ENTPD6: variants seen among roughly 807,000 people sequenced by gnomAD.
The protein encoded by ENTPD6 is CD39 antigen-like 2.
A neutral mutation model predicts 61.5 loss-of-function variants in ENTPD6; 46 were observed. That is an observed-to-expected ratio of 0.75 (90% CI 0.59 to 0.96). ENTPD6 has a LOEUF of 0.96. Ranked by LOEUF, ENTPD6 falls within the 40% of genes least tolerant of loss-of-function variation. The probability of loss-of-function intolerance (pLI) is 0.00; values close to 1 mark genes in which losing one functional copy is unlikely to be tolerated. For synonymous variants in ENTPD6, 252 were observed against 255.5 expected, an observed-to-expected ratio of 0.99 and a Z score of 0.13; for missense variants, 612 against 629.0, an observed-to-expected ratio of 0.97 and a Z score of 0.29.
intron 10 of ENTPD6, among the ~76,000 whole-genome samples, chr20:25,219,086 T>C (rs1445008979): frequency 1.3e-5 from 2 of 152,256 alleles, no homozygotes; most frequent in African/African-American, 2.4e-5. Context: ...TTCACCATGT[T>C]GGCCAGTATG....
chr20:25,221,540 TC>T, intron 11 of ENTPD6: 2 of 630,072 alleles, frequency 3.2e-6, no homozygotes, highest in Non-Finnish European at 5.8e-6. Flanking sequence ...CTGCCTCTGT[TC>T]AACATTCCCC....
Position 25,225,659 on chromosome 20 carries a change from T to C in ENTPD6, c.*62T>C, listed in dbSNP as rs932827972. 6.5e-6 allele frequency: 9 copies of C among 1,387,208 alleles called. No homozygotes were observed. Among genetic ancestry groups the C allele is most frequent in the Non-Finnish European group, 8.1e-6 (8 of 991,940 alleles). The allele number at this position is 1,387,208 out of a possible 1,614,324, so 85.9% of individuals were successfully genotyped here. A position where few individuals can be genotyped will look rare whatever the true frequency, so the allele number is the denominator to read the frequency against. On this transcript the variant is annotated 3_prime_UTR_variant, in exon 15 of 15. Coordinates refer to ENST00000376652, the MANE Select transcript of ENTPD6 (RefSeq NM_001247.5). Reference sequence around the variant, plus strand: ...TGTGTCTGCATAAACCCTCCTGTCCTGGACGTGACTTCATCCTGAGGAGCC... The same window carrying C: ...TGTGTCTGCATAAACCCTCCTGTCCCGGACGTGACTTCATCCTGAGGAGCC...
rs368056326 is a variant in ENTPD6, at chr20:25,207,090, T to A, written c.69T>A (p.Gly23=). ...CTTCCCACCAGCAGCCGCAGCACGGTCCTTGGCAAACAAGGATGAGAAAAA... is the reference window on the plus strand; with the variant it reads ...CTTCCCACCAGCAGCCGCAGCACGGACCTTGGCAAACAAGGATGAGAAAAA... The part of the protein sequence containing the change: ...TSYIFQQPQH[G]PWQTRMRKIS... Residue 23 remains glycine (G), a synonymous_variant, in exon 3 of 15, where the codon GGT becomes GGA. Transcript: ENST00000376652. The A allele has an allele frequency of 6.8e-6, 11 of 1,610,264 alleles. No individual in the cohort carries two copies. The African/African-American group carries it at 9.4e-5, about 14-fold the overall frequency.
intron 3 of ENTPD6, among the ~76,000 whole-genome samples, chr20:25,208,098 C>CCT (rs2091666032): frequency 6.6e-6 from 1 of 152,232 alleles, no homozygotes; most frequent in South Asian, 2.1e-4. Flanking sequence ...AGGCAGGTCC[C>CCT]CTGGGTGTCC....
intron 1 of ENTPD6, chr20:25,197,018 C>A: frequency 1.1e-6 from 1 of 921,220 alleles, no homozygotes; most frequent in Non-Finnish European, 1.3e-6. Context: ...GGTTCACGCA[C>A]CGGTTTTTGC....
At chr20:25,215,529 T>C in intron 6 of ENTPD6, 147 bp from the exon 7 acceptor site, 1 of 749,814 alleles carries the variant, frequency 1.3e-6, no homozygotes, top group African/African-American at 1.7e-5. Flanking sequence ...GAAATGCTCC[T>C]CTCTGCCGAT....
chr20:25,215,628 T>C, intron 6 of ENTPD6, 48 bp from the exon 7 acceptor site: 1 of 1,603,206 alleles, frequency 6.2e-7, no homozygotes, highest in Non-Finnish European at 8.5e-7. Flanking sequence ...GTGTTATGCT[T>C]TCAGCATCTC....
Position 25,216,727 on chromosome 20 carries a change from A to G in ENTPD6, c.789A>G (p.Pro263=), listed in dbSNP as rs1415449851. ...GATCCACTCAGATCGCCTTCCTGCC[A>G]CGCGTGGAGGTAACAAGCCCTGCCG... The part of the protein sequence containing the change: ...GGGSTQIAFL[P]RVEGTLQASP... The change falls in exon 8 of 15, where the codon CCA becomes CCG. Residue 263 remains proline (P), a synonymous_variant. Transcript: ENST00000376652. 3.2e-6 allele frequency: 5 copies of G among 1,585,656 alleles called. No homozygotes were observed. In the South Asian group the frequency reaches 5.7e-5, roughly 18 times the overall value.
Position 25,195,862 on chromosome 20 carries a change from T to C in ENTPD6, c.-21T>C. 8.1e-7 allele frequency: 1 copy of C among 1,236,728 alleles called. No homozygotes were observed. The highest frequency in any genetic ancestry group is 1.0e-6 in the Non-Finnish European group (1 of 987,830). The allele number at this position is 1,236,728 out of a possible 1,614,324, so 76.6% of individuals were successfully genotyped here. On this transcript the variant is annotated 5_prime_UTR_variant, in exon 1 of 15. Coordinates refer to ENST00000376652, the MANE Select transcript of ENTPD6 (RefSeq NM_001247.5). ...TCCGTGGGTGTGGCGGAGCGCGCGG[T>C]GCATGGTAAGCGGCGGGCCGGGGCG...
At chr20:25,217,758 A>C (rs1600640761) in intron 9 of ENTPD6, among the ~76,000 whole-genome samples, 177 bp downstream of exon 9, 2 of 140,948 alleles carry the variant, frequency 1.4e-5, no homozygotes, top group African/African-American at 2.7e-5. Context: ...CTCCTCCTTC[A>C]TCCTTTAATG....
rs544628215 is a variant in ENTPD6 at position 25,225,572 on chromosome 20, A to G, written c.1430A>G (p.Asn477Ser). The G allele has an allele frequency of 1.9e-6, 3 of 1,614,046 alleles. No homozygotes were observed. In the African/African-American group the frequency reaches 4.0e-5, roughly 22 times the overall value. ...GAIFHYIDSL[N>S]RQKSPAS ...ATTTTTCATTACATCGACTCCCTGA[A>G]CAGACAGAAGAGTCCAGCCTCATAG... The change falls in exon 15 of 15, where the codon AAC becomes AGC. Residue 477 changes from asparagine to serine, a missense_variant. Asn to Ser is a conservative substitution (Grantham distance 46). Coordinates refer to ENST00000376652, the MANE Select transcript of ENTPD6 (RefSeq NM_001247.5).
chr20:25,209,786 GATTGT>G (rs1321933181), intron 3 of ENTPD6, 58 bp from the exon 4 acceptor site: 14 of 1,407,282 alleles, frequency 9.9e-6, no homozygotes, highest in Non-Finnish European at 1.4e-5. Context: ...GGCTAGTCAT[GATTGT>G]ATGTGTTCTC....
At chr20:25,202,165 A>G (rs2091095174) in intron 1 of ENTPD6, among the ~76,000 whole-genome samples, 1 of 152,220 alleles carries the variant, frequency 6.6e-6, no homozygotes, top group African/African-American at 2.4e-5. Flanking sequence ...AAAGGTCTTC[A>G]TCTTCATTGT....
At chr20:25,203,722 T>A (rs2091233800) in intron 1 of ENTPD6, among the ~76,000 whole-genome samples, 1 of 152,270 alleles carries the variant, frequency 6.6e-6, no homozygotes, top group South Asian at 2.1e-4. Flanking sequence ...GTCAAGTACA[T>A]CCAGTGCCTG....
At position 25,214,473 on chromosome 20, in the gene ENTPD6, C is replaced by G. The variant is rs552815448; in HGVS notation, c.598-394C>G. ...AGCAGGCCCAGTGTGCCCCAGCTTCCCCCAGTCTATGCAGCCCCCAGAGCC... is the reference window on the plus strand; with the variant it reads ...AGCAGGCCCAGTGTGCCCCAGCTTCGCCCAGTCTATGCAGCCCCCAGAGCC... On this transcript the variant is annotated intron_variant, in intron 5 of 14. Coordinates refer to ENST00000376652, the MANE Select transcript of ENTPD6 (RefSeq NM_001247.5). 1.0e-3 allele frequency among the ~76,000 whole-genome samples: 156 copies of G among 152,338 alleles called. 2 individuals are homozygous for G. Among genetic ancestry groups the G allele is most frequent in the African/African-American group, 3.6e-3 (148 of 41,576 alleles).
intron 12 of ENTPD6, among the ~76,000 whole-genome samples, chr20:25,223,595 G>A (rs537671582): frequency 2.0e-5 from 3 of 152,224 alleles, no homozygotes; most frequent in Admixed American, 1.3e-4. Context: ...AGCCTCCGGC[G>A]GGTCTCTGTG....
chr20:25,200,238 G>GTTATTTTTTTTT, intron 1 of ENTPD6, among the ~76,000 whole-genome samples: 1 of 152,246 alleles, frequency 6.6e-6, no homozygotes, highest in African/African-American at 2.4e-5. Flanking sequence ...GCCTCTTTTT[G>GTTATTTTTTTTT]TATGCTTTTT....
intron 11 of ENTPD6, chr20:25,222,552 G>C (rs1051139327): frequency 1.6e-5 from 6 of 365,660 alleles, no homozygotes; most frequent in South Asian, 3.8e-5. Context: ...GAGGCCACTG[G>C]TGTCAGGCAT....
intron 11 of ENTPD6, chr20:25,222,051 G>T (rs761265957): frequency 6.5e-6 from 1 of 154,088 alleles, no homozygotes; most frequent in Non-Finnish European, 1.4e-5. Context: ...GGACGGCCTC[G>T]TGGGGTAACA....
Sources: allele counts gnomAD v4.1 joint callset (sites outside exome capture counted in the v4.1 genomes callset), GRCh38; gene constraint gnomAD v4.1.1; transcripts MANE v1.5; gene names NCBI Gene and HGNC (gene_info 2026-07-23, HGNC 2026-07-21).